ALPK1: variants seen among roughly 807,000 people sequenced by gnomAD.
The protein encoded by ALPK1 is alpha-protein kinase 1.
ALPK1 carries 110 observed loss-of-function variants against 120.6 expected under a neutral mutation model. The ratio of observed to expected loss-of-function variants is 0.91; its 90% CI spans 0.78 to 1.07. The LOEUF is 1.07. Ranked by LOEUF, ALPK1 falls within the 50% of genes least tolerant of loss-of-function variation. The probability of loss-of-function intolerance (pLI) is 0.00; values close to 1 mark genes in which losing one functional copy is unlikely to be tolerated. For missense variants in ALPK1, 1,498 were observed against 1,483.9 expected (o/e 1.01, Z -0.16); for synonymous variants, 582 against 560.3 (o/e 1.04, Z -0.55).
chr4:112,417,127 G>T (rs540551705), intron 5 of ALPK1, among the ~76,000 whole-genome samples: 1 of 152,140 alleles, frequency 6.6e-6, no homozygotes, highest in Non-Finnish European at 1.5e-5. Flanking sequence ...TCATTCAAAA[G>T]TGAGGATAAA....
chr4:112,435,675 G>A (rs1734759085), intron 12 of ALPK1, among the ~76,000 whole-genome samples: 1 of 152,216 alleles, frequency 6.6e-6, no homozygotes, highest in Non-Finnish European at 1.5e-5. Flanking sequence ...AAGTAAATAG[G>A]TGAGCCTGAA....
chr4:112,312,881 A>C (rs1490523669), intron 1 of ALPK1, among the ~76,000 whole-genome samples: 2 of 152,246 alleles, frequency 1.3e-5, no homozygotes, highest in Admixed American at 1.3e-4. Context: ...GCACAAATTG[A>C]AAGTGAACGG....
In ALPK1 at chr4:112,357,726, G is replaced by A. The variant is rs865823511; in HGVS notation, c.-100-19952G>A. ...CGTTTGACAGACGGTTTTCCAAGGAGTGCTTGTCCTCTTTGGGGAAGGCTC... is the reference window on the plus strand; with the variant it reads ...CGTTTGACAGACGGTTTTCCAAGGAATGCTTGTCCTCTTTGGGGAAGGCTC... On this transcript the variant is annotated intron_variant, in intron 2 of 15. Transcript: ENST00000650871. 3.4e-6 allele frequency: 5 copies of A among 1,491,536 alleles called. No individual in the cohort carries two copies. The African/African-American group carries it at 6.9e-5, about 21-fold the overall frequency. The allele number at this position is 1,491,536 out of a possible 1,614,324, so 92.4% of individuals were successfully genotyped here.
At chr4:112,425,498 C>T (rs1734195157) in intron 6 of ALPK1, 167 bp from the exon 7 acceptor site, 1 of 521,094 alleles carries the variant, frequency 1.9e-6, no homozygotes, top group East Asian at 3.4e-5. Flanking sequence ...TCAGTTCCTG[C>T]AGAGCCTTAG....
At chr4:112,305,946 T>G (rs1242516402) in intron 1 of ALPK1, among the ~76,000 whole-genome samples, 1 of 151,988 alleles carries the variant, frequency 6.6e-6, no homozygotes, top group East Asian at 1.9e-4. Context: ...TTATTGAGAG[T>G]TTTTAGCATG....
chr4:112,434,921 C>T (rs1734723089), intron 11 of ALPK1, among the ~76,000 whole-genome samples: 1 of 152,168 alleles, frequency 6.6e-6, no homozygotes, highest in African/African-American at 2.4e-5. Flanking sequence ...GATTTTGTGA[C>T]TCAAAGGCTA....
chr4:112,336,638 G>A (rs1026519295), intron 2 of ALPK1, among the ~76,000 whole-genome samples: 2 of 152,066 alleles, frequency 1.3e-5, no homozygotes, highest in African/African-American at 4.8e-5. Flanking sequence ...TATTAAATAT[G>A]TACTTGGCAG....
intron 4 of ALPK1, among the ~76,000 whole-genome samples, chr4:112,402,317 C>T (rs539694336): frequency 6.6e-6 from 1 of 152,372 alleles, no homozygotes; most frequent in South Asian, 2.1e-4. Context: ...GTGAACACAT[C>T]ACAGCTTTGA....
At chr4:112,429,853 AAGAAAAG>A (rs1734452664) in intron 10 of ALPK1, among the ~76,000 whole-genome samples, 1 of 92,282 alleles carries the variant, frequency 1.1e-5, no homozygotes, top group Non-Finnish European at 2.3e-5. Flanking sequence ...AAAAAAAAAA[AAGAAAAG>A]AAAAGAGAAA....
chr4:112,379,321 C>T (rs1468338785), intron 3 of ALPK1, among the ~76,000 whole-genome samples: 2 of 152,206 alleles, frequency 1.3e-5, no homozygotes, highest in African/African-American at 4.8e-5. Flanking sequence ...AGACATGGCC[C>T]TTCAGGTAAG....
At chr4:112,326,677 T>C (rs143095922) in intron 2 of ALPK1, among the ~76,000 whole-genome samples, 177 of 152,336 alleles carry the variant, frequency 1.2e-3, no homozygotes, top group African/African-American at 3.9e-3. Flanking sequence ...TTTAATTTCC[T>C]AATGGTCTTC....
At chr4:112,309,771 A>G (rs1315391355) in intron 1 of ALPK1, among the ~76,000 whole-genome samples, 1 of 151,956 alleles carries the variant, frequency 6.6e-6, no homozygotes, top group Non-Finnish European at 1.5e-5. Context: ...TGTCACCACT[A>G]TTACTTTTCT....
At chr4:112,319,904 A>C (rs1186681987) in intron 2 of ALPK1, among the ~76,000 whole-genome samples, 2 of 152,292 alleles carry the variant, frequency 1.3e-5, no homozygotes, top group East Asian at 3.9e-4. Context: ...GTATCCTGAA[A>C]CTTTACTTAA....
intron 1 of ALPK1, among the ~76,000 whole-genome samples, chr4:112,301,091 T>C (rs1226205541): frequency 2.6e-5 from 4 of 152,238 alleles, no homozygotes; most frequent in Admixed American, 2.6e-4. Context: ...TGGCATTTCT[T>C]CACAGTAACT....
chr4:112,325,643 A>G (rs928317301), intron 2 of ALPK1, among the ~76,000 whole-genome samples: 2 of 152,112 alleles, frequency 1.3e-5, no homozygotes, highest in East Asian at 3.9e-4. Context: ...GTTATCACAC[A>G]TCTCAACTTT....
At position 112,430,524 on chromosome 4, in the gene ALPK1, G is replaced by C; in HGVS notation, c.977G>C (p.Cys326Ser). Residue 326 changes from cysteine (C) to serine (S), a missense_variant, in exon 11 of 16, where the codon TGT (cysteine) becomes TCT (serine). Physicochemically the swap from Cys to Ser is moderately radical, Grantham distance 112. Coordinates refer to ENST00000650871, the MANE Select transcript of ALPK1 (RefSeq NM_025144.4). ...CPPELKNLHLCEAKEAFEIGL... is the reference protein window; with the variant it reads ...CPPELKNLHLSEAKEAFEIGL... Reference sequence around the variant, plus strand: ...CCAGAATTGAAAAACTTACATCTGTGTGAAGCCAAAGAGGCCTTTGAGATT... The same window carrying C: ...CCAGAATTGAAAAACTTACATCTGTCTGAAGCCAAAGAGGCCTTTGAGATT... 6.2e-7 allele frequency: 1 copy of C among 1,614,138 alleles called. No individual in the cohort carries two copies. The highest frequency in any genetic ancestry group is 8.5e-7 in the Non-Finnish European group (1 of 1,180,032).
intron 4 of ALPK1, among the ~76,000 whole-genome samples, chr4:112,390,658 T>C (rs1020142276): frequency 4.6e-5 from 7 of 152,138 alleles, no homozygotes; most frequent in Non-Finnish European, 8.8e-5. Context: ...TTGAAAAACA[T>C]GGTGTTTGAT....
chr4:112,424,892 G>A (rs769390229), intron 6 of ALPK1, among the ~76,000 whole-genome samples: 1 of 152,074 alleles, frequency 6.6e-6, no homozygotes, highest in Non-Finnish European at 1.5e-5. Context: ...ATGTTTGACC[G>A]ACCACTGACA....
rs745707047 is a variant in ALPK1 at position 112,430,733 on chromosome 4, T to C, written c.1186T>C (p.Ser396Pro). ...MGKLYNFSTS[S>P]RSQDREALSQ... ...GAAGCTGTACAATTTCAGCACTTCC[T>C]CCAGAAGTCAGGACAGAGAAGCTCT... The change falls in exon 11 of 16, where the codon TCC becomes CCC. Residue 396 changes from serine to proline, a missense_variant. Transcript: ENST00000650871. The C allele has an allele frequency of 8.1e-6, 13 of 1,614,088 alleles. No individual in the cohort carries two copies. In the Admixed American group the frequency reaches 2.2e-4, roughly 27 times the overall value.
Sources: gnomAD v4.1 joint callset for allele counts (sites outside exome capture counted in the v4.1 genomes callset) on GRCh38, gnomAD v4.1.1 for gene constraint, MANE v1.5 for transcripts, NCBI Gene and HGNC (gene_info 2026-07-23, HGNC 2026-07-21) for gene names.